The following SNAP91 variants were observed in gnomAD, a reference collection of about 807,000 sequenced individuals.
SNAP91 encodes synaptosome associated protein 91.
SNAP91 carries 27 observed loss-of-function variants against 100.3 expected under a neutral mutation model. That is an observed-to-expected ratio of 0.27 (90% CI 0.20 to 0.37). The LOEUF is 0.37. Among genes scored for constraint, SNAP91 ranks in the 10% least tolerant of loss-of-function variants. The pLI is 1.00. For missense variants in SNAP91, 986 were observed against 1,123.7 expected (o/e 0.88, Z 1.75); for synonymous variants, 404 against 398.6 (o/e 1.01, Z -0.16).
chr6:83,672,190 G>A (rs528111154), intron 2 of SNAP91, among the ~76,000 whole-genome samples: 1 of 152,094 alleles, frequency 6.6e-6, no homozygotes, highest in African/African-American at 2.4e-5. Context: ...GAACGTCTCT[G>A]CCTTCACTCT....
rs181278411 is a variant in SNAP91 at position 83,634,371 on chromosome 6, G to A, written c.765+6725C>T. Among the ~76,000 whole-genome samples the A allele has an allele frequency of 9.6e-4, 142 of 147,894 alleles. 1 individual carries two copies. Among genetic ancestry groups the A allele is most frequent in the Middle Eastern group, 3.4e-3 (1 of 294 alleles). On this transcript the variant is annotated intron_variant, in intron 8 of 29. Transcript: ENST00000369694. ...AGGCCTACGGTTTCCCCAGTGCGGG[G>A]TGTGTGTTCAGGGGCAGAGGATCTC... is the stretch of plus-strand genomic sequence containing the variant.
chr6:83,593,100 T>C lies in SNAP91; in HGVS notation c.1774+82A>G, dbSNP rs1041039545. On this transcript the variant is annotated intron_variant, in intron 19 of 29. Coordinates refer to ENST00000369694, the MANE Select transcript of SNAP91 (RefSeq NM_001242792.2). ...CAAAGTCAAAAATCTAACAAATGCA[T>C]TATCACAGGTGAGTACAAAGAGCTT... 3.3e-6 allele frequency: 5 copies of C among 1,507,184 alleles called. No individual in the cohort carries two copies. The African/African-American group carries it at 6.9e-5, about 21-fold the overall frequency. The allele number at this position is 1,507,184 out of a possible 1,614,324, so 93.4% of individuals were successfully genotyped here.
At chr6:83,707,183 G>A (rs1169458539) in intron 2 of SNAP91, among the ~76,000 whole-genome samples, 1 of 152,082 alleles carries the variant, frequency 6.6e-6, no homozygotes, top group Non-Finnish European at 1.5e-5. Context: ...TGTGTAAAAT[G>A]AAATTGCCAT....
At chr6:83,563,143 T>TC (rs1314011250) in intron 26 of SNAP91, among the ~76,000 whole-genome samples, 2 of 152,134 alleles carry the variant, frequency 1.3e-5, no homozygotes, top group Admixed American at 6.5e-5. Flanking sequence ...ACATGAGGCT[T>TC]CCCACCACAA....
rs2098146236 is a variant in SNAP91 at position 83,650,397 on chromosome 6, AG to A, written c.658+6356del. On this transcript the variant is annotated intron_variant, in intron 7 of 29. Transcript: ENST00000369694. Reference sequence around the variant, plus strand: ...GATCTGAGAATATTAGCTATTTAATAGCCTGGCTTGGTAATCTAATAGTCAA... The same window carrying A: ...GATCTGAGAATATTAGCTATTTAATACCTGGCTTGGTAATCTAATAGTCAA... Among the ~76,000 whole-genome samples the A allele has an allele frequency of 1.3e-5, 2 of 152,176 alleles. 1 individual carries two copies. The highest frequency in any genetic ancestry group is 4.1e-4 in the South Asian group (2 of 4,832).
chr6:83,673,571 C>G lies in SNAP91; in HGVS notation c.131-7990G>C, dbSNP rs73751574. ...TCCTTGATCCCTCTCTTCTAGTTAA[C>G]AACAATCAAAGAGTTCAAACTTGCA... On this transcript the variant is annotated intron_variant, in intron 2 of 29. Coordinates refer to ENST00000369694, the MANE Select transcript of SNAP91 (RefSeq NM_001242792.2). 6.3e-3 allele frequency among the ~76,000 whole-genome samples: 959 copies of G among 152,290 alleles called. 9 individuals are homozygous for G. The highest frequency in any genetic ancestry group is 0.022 in the African/African-American group (924 of 41,554).
At chr6:83,660,201 C>T (rs907002115) in intron 5 of SNAP91, among the ~76,000 whole-genome samples, 3 of 152,092 alleles carry the variant, frequency 2.0e-5, no homozygotes, top group Admixed American at 6.5e-5. Flanking sequence ...GCAGAGGTCA[C>T]AATGCAGCTG....
intron 2 of SNAP91, among the ~76,000 whole-genome samples, chr6:83,675,377 ATTTAC>A (rs1176726090): frequency 7.2e-5 from 11 of 152,180 alleles, no homozygotes; most frequent in Admixed American, 7.2e-4. Flanking sequence ...AAGTAACATT[ATTTAC>A]TTTAGTTGAT....
chr6:83,597,506 C>G (rs927513262), intron 16 of SNAP91, among the ~76,000 whole-genome samples: 1 of 152,166 alleles, frequency 6.6e-6, no homozygotes, highest in Non-Finnish European at 1.5e-5. Context: ...AGTTTTTCAA[C>G]CAGCTCTATT....
At chr6:83,655,869 T>G (rs1233351580) in intron 7 of SNAP91, among the ~76,000 whole-genome samples, 1 of 152,138 alleles carries the variant, frequency 6.6e-6, no homozygotes, top group Admixed American at 6.5e-5. Context: ...CTGGGGGAGT[T>G]CCCTATCACC....
intron 2 of SNAP91, among the ~76,000 whole-genome samples, chr6:83,694,878 A>G (rs1276328744): frequency 6.6e-6 from 1 of 152,188 alleles, no homozygotes; most frequent in Non-Finnish European, 1.5e-5. Flanking sequence ...AGTCATGACT[A>G]ATACGGGTAT....
rs142862417 is a variant in SNAP91 at position 83,653,291 on chromosome 6, T to A, written c.658+3463A>T. On this transcript the variant is annotated intron_variant, in intron 7 of 29. Transcript: ENST00000369694. ...GTTTTGTTTTTAGTTGTTTGTGTTG[T>A]CCCACAGTCTTATTCTGTTCTGCCG... Among the ~76,000 whole-genome samples, 1,358 of 152,290 alleles carry A rather than the reference T, an allele frequency of 8.9e-3. 19 individuals carry two copies. The highest frequency in any genetic ancestry group is 0.024 in the Middle Eastern group (7 of 294).
chr6:83,606,036 T>C (rs2095592382), intron 13 of SNAP91, among the ~76,000 whole-genome samples: 1 of 152,224 alleles, frequency 6.6e-6, no homozygotes, highest in Admixed American at 6.5e-5. Context: ...TCTCTATCAT[T>C]ACTTGACTCT....
At chr6:83,630,068 T>C (rs919194920) in intron 8 of SNAP91, among the ~76,000 whole-genome samples, 2 of 152,190 alleles carry the variant, frequency 1.3e-5, no homozygotes, top group Non-Finnish European at 2.9e-5. Flanking sequence ...AAACGGATGC[T>C]GGAATTTGTC....
intron 3 of SNAP91, 145 bp from the exon 4 acceptor site, chr6:83,662,567 C>A (rs2128747587): frequency 2.7e-6 from 1 of 367,654 alleles, no homozygotes; most frequent in East Asian, 4.1e-5. Context: ...TGCTGAATTT[C>A]TCTGAGGGGA....
At chr6:83,566,452 TG>T (rs2127965763) in intron 26 of SNAP91, among the ~76,000 whole-genome samples, 1 of 152,256 alleles carries the variant, frequency 6.6e-6, no homozygotes, top group East Asian at 1.9e-4. Flanking sequence ...ACAGGGTAGG[TG>T]GTAGGCTATT....
chr6:83,633,452 C>T (rs184142787), intron 8 of SNAP91, among the ~76,000 whole-genome samples: 1 of 152,208 alleles, frequency 6.6e-6, no homozygotes, highest in African/African-American at 2.4e-5. Context: ...AGAGTATATG[C>T]CCCTTGTCTT....
Position 83,582,230 on chromosome 6 carries a change from T to C in SNAP91, c.2141A>G (p.Asp714Gly), listed in dbSNP as rs779006343. The change falls in exon 23 of 30, where the codon GAT becomes GGT. Residue 714 changes from aspartate (D) to glycine (G), a missense_variant. Asp to Gly is a moderately conservative substitution (Grantham distance 94). Transcript: ENST00000369694. Reference sequence around the variant, plus strand: ...GAAAGTCACTGCCTCACCTGATGGATCAAAGGAGCTGCTGCTGGAAGTTGA... The same window carrying C: ...GAAAGTCACTGCCTCACCTGATGGACCAAAGGAGCTGCTGCTGGAAGTTGA... Reference protein sequence around the residue: ...TPSTSSSSSFDPSVFDGLGDL... With the variant: ...TPSTSSSSSFGPSVFDGLGDL... The C allele has an allele frequency of 5.0e-6, 8 of 1,613,458 alleles. No individual in the cohort carries two copies. In the Admixed American group the frequency reaches 1.2e-4, roughly 24 times the overall value.
chr6:83,668,838 T>G (rs2098733605), intron 2 of SNAP91, among the ~76,000 whole-genome samples: 1 of 152,088 alleles, frequency 6.6e-6, no homozygotes, highest in Non-Finnish European at 1.5e-5. Flanking sequence ...TGAGAGCAAC[T>G]ATTCTTCATC....
Sources: allele counts gnomAD v4.1 joint callset (sites outside exome capture counted in the v4.1 genomes callset), GRCh38; gene constraint gnomAD v4.1.1; transcripts MANE v1.5; gene names NCBI Gene and HGNC (gene_info 2026-07-23, HGNC 2026-07-21).